Variants in CDH13 observed in about 807,000 individuals in gnomAD.
CDH13 encodes the protein cadherin-13.
Under a neutral mutation model 63.8 loss-of-function variants are expected in CDH13, and 24 were observed. The observed-to-expected ratio is 0.38, with a 90% CI of 0.27 to 0.53. The LOEUF is 0.53. Among genes scored for constraint, CDH13 ranks in the 20% least tolerant of loss-of-function variants. The probability of loss-of-function intolerance (pLI) is 0.85; values close to 1 mark genes in which losing one functional copy is unlikely to be tolerated. For synonymous variants in CDH13, 503 were observed against 355.3 expected (o/e 1.42, Z -4.67); for missense variants, 1,049 against 903.1 (o/e 1.16, Z -2.07).
chr16:82,868,869 C>A (rs1291178457), intron 2 of CDH13, among the ~76,000 whole-genome samples: 1 of 152,184 alleles, frequency 6.6e-6, no homozygotes, highest in Non-Finnish European at 1.5e-5. Context: ...GGGTTCAAAT[C>A]TAAGGCCGAT....
chr16:83,134,362 G>A (rs572277037), intron 4 of CDH13, among the ~76,000 whole-genome samples: 4 of 152,090 alleles, frequency 2.6e-5, no homozygotes, highest in Admixed American at 2.0e-4. Flanking sequence ...GTTAATTTTT[G>A]TATTTTTAGG....
intron 4 of CDH13, among the ~76,000 whole-genome samples, chr16:83,140,193 C>T (rs2036468940): frequency 6.6e-6 from 1 of 152,230 alleles, no homozygotes; most frequent in Non-Finnish European, 1.5e-5. Flanking sequence ...CCTCCTGGCA[C>T]TGCTGACAAG....
At chr16:83,092,289 C>T (rs998043108) in intron 3 of CDH13, among the ~76,000 whole-genome samples, 6 of 152,212 alleles carry the variant, frequency 3.9e-5, no homozygotes, top group Non-Finnish European at 2.9e-5. Context: ...CCTTAAATGC[C>T]TCCCACTGTC....
chr16:82,652,646 T>TGCA (rs987552745), intron 1 of CDH13, among the ~76,000 whole-genome samples: 7 of 150,152 alleles, frequency 4.7e-5, no homozygotes, highest in South Asian at 2.1e-4. Flanking sequence ...CTGCTGCTGC[T>TGCA]GCTGCTGCTG....
intron 2 of CDH13, among the ~76,000 whole-genome samples, chr16:82,984,487 A>G (rs1910687704): frequency 6.6e-6 from 1 of 152,244 alleles, no homozygotes; most frequent in African/African-American, 2.4e-5. Context: ...TCGCTGTAAA[A>G]TAAGGATGGT....
At chr16:82,931,992 G>T (rs1050107109) in intron 2 of CDH13, among the ~76,000 whole-genome samples, 1 of 152,110 alleles carries the variant, frequency 6.6e-6, no homozygotes, top group African/African-American at 2.4e-5. Flanking sequence ...GAATGAAAAG[G>T]GGGGCACAGT....
chr16:83,336,495 T>C (rs1235525415), intron 5 of CDH13, among the ~76,000 whole-genome samples: 1 of 152,124 alleles, frequency 6.6e-6, no homozygotes, highest in Non-Finnish European at 1.5e-5. Flanking sequence ...AGGTGAGAGA[T>C]ATCTTATCTG....
intron 1 of CDH13, among the ~76,000 whole-genome samples, chr16:82,854,893 G>T (rs552500006): frequency 1.3e-5 from 2 of 152,152 alleles, no homozygotes; most frequent in Non-Finnish European, 2.9e-5. Context: ...TCCTTATCCT[G>T]TGTGGCACCT....
intron 1 of CDH13, among the ~76,000 whole-genome samples, chr16:82,730,365 A>G (rs1389072113): frequency 6.6e-6 from 1 of 152,128 alleles, no homozygotes; most frequent in East Asian, 1.9e-4. Context: ...TCATTGGCCA[A>G]ATTTCATTAT....
In CDH13 at chr16:83,005,136, A is replaced by C. The variant is rs1476311216; in HGVS notation, c.158-26874A>C. 2.0e-5 allele frequency among the ~76,000 whole-genome samples: 3 copies of C among 152,268 alleles called. No homozygotes were observed. The East Asian group carries it at 5.8e-4, about 29-fold the overall frequency. ...CTAAGTAGCCAGGTACCTGAATAAA[A>C]CCCAGAGGGTAGGAGATGAGATTCT... On this transcript the variant is annotated intron_variant, in intron 2 of 13. Coordinates refer to ENST00000567109, the MANE Select transcript of CDH13 (RefSeq NM_001257.5).
chr16:83,406,950 C>A (rs1007233676), intron 6 of CDH13, among the ~76,000 whole-genome samples: 3 of 152,198 alleles, frequency 2.0e-5, no homozygotes, highest in Admixed American at 2.0e-4. Context: ...TAGTTTATGA[C>A]TATTACATCA....
intron 3 of CDH13, among the ~76,000 whole-genome samples, chr16:83,072,741 C>G (rs1042663047): frequency 2.3e-4 from 35 of 152,078 alleles, no homozygotes; most frequent in Admixed American, 1.7e-3. Context: ...CCTTTTGGAC[C>G]TCCCTAAAAT....
intron 1 of CDH13, among the ~76,000 whole-genome samples, chr16:82,742,047 C>T (rs544358579): frequency 1.1e-4 from 17 of 152,052 alleles, no homozygotes; most frequent in Admixed American, 2.6e-4. Context: ...AATATCAGCC[C>T]GGTTATATAA....
At chr16:82,906,448 G>C (rs2041650368) in intron 2 of CDH13, among the ~76,000 whole-genome samples, 2 of 152,140 alleles carry the variant, frequency 1.3e-5, no homozygotes, top group African/African-American at 4.8e-5. Flanking sequence ...TACTGTAAGA[G>C]TTCTTACTTC....
chr16:83,472,995 T>G (rs2073497647), intron 6 of CDH13, among the ~76,000 whole-genome samples: 2 of 152,254 alleles, frequency 1.3e-5, no homozygotes, highest in South Asian at 2.1e-4. Flanking sequence ...GAAATGACTC[T>G]CCAGTTCCAT....
At chr16:83,553,195 G>A (rs78145856) in intron 7 of CDH13, among the ~76,000 whole-genome samples, 58 of 152,050 alleles carry the variant, frequency 3.8e-4, no homozygotes, top group Admixed American at 2.0e-4. Context: ...ATGTAAGTTC[G>A]GAGCAGTCCT....
intron 1 of CDH13, among the ~76,000 whole-genome samples, chr16:82,645,151 T>A (rs960339585): frequency 6.6e-6 from 1 of 152,110 alleles, no homozygotes; most frequent in Non-Finnish European, 1.5e-5. Flanking sequence ...ATGCCATATC[T>A]CAGAGTACGG....
At chr16:82,827,258 C>A (rs1275874696) in intron 1 of CDH13, among the ~76,000 whole-genome samples, 1 of 152,106 alleles carries the variant, frequency 6.6e-6, no homozygotes, top group Non-Finnish European at 1.5e-5. Flanking sequence ...TGTGAATTCC[C>A]TTCTAATAGG....
intron 7 of CDH13, among the ~76,000 whole-genome samples, chr16:83,520,984 C>G (rs1433898045): frequency 6.6e-6 from 1 of 152,084 alleles, no homozygotes; most frequent in Non-Finnish European, 1.5e-5. Flanking sequence ...GCCTCCCAAA[C>G]TTCAATTTTT....
Sources: gnomAD v4.1 joint callset for allele counts (sites outside exome capture counted in the v4.1 genomes callset) on GRCh38, gnomAD v4.1.1 for gene constraint, MANE v1.5 for transcripts, NCBI Gene and HGNC (gene_info 2026-07-23, HGNC 2026-07-21) for gene names.